Variants in PDE4B observed in about 807,000 individuals in gnomAD.
PDE4B encodes phosphodiesterase 4B.
PDE4B carries 20 observed loss-of-function variants against 82.2 expected under a neutral mutation model. The observed-to-expected ratio is 0.24, with a 90% confidence interval of 0.17 to 0.35. The LOEUF is 0.35. Among genes scored for constraint, PDE4B ranks in the 10% least tolerant of loss-of-function variants. The pLI is 1.00. For missense variants in PDE4B, 655 were observed against 907.2 expected (o/e 0.72, Z 3.57); for synonymous variants, 320 against 318.9 (o/e 1.00, Z -0.04).
chr1:65,828,947 C>G (rs1646050392), intron 1 of PDE4B, among the ~76,000 whole-genome samples: 1 of 152,074 alleles, frequency 6.6e-6, no homozygotes, highest in African/African-American at 2.4e-5. Context: ...AATATATAAA[C>G]TCAACCAGAT....
At chr1:65,804,829 C>A (rs1321135938) in intron 1 of PDE4B, among the ~76,000 whole-genome samples, 1 of 152,064 alleles carries the variant, frequency 6.6e-6, no homozygotes, top group African/African-American at 2.4e-5. Context: ...GGCTGCTCTG[C>A]TTCTTGTAGT....
intron 3 of PDE4B, among the ~76,000 whole-genome samples, chr1:65,930,444 G>T (rs1239160271): frequency 1.3e-5 from 2 of 152,206 alleles, no homozygotes; most frequent in Non-Finnish European, 2.9e-5. Flanking sequence ...ACCTGGAAAA[G>T]CTACAGGCAT....
At chr1:66,210,217 T>G (rs952451617) in intron 3 of PDE4B, among the ~76,000 whole-genome samples, 40 of 152,292 alleles carry the variant, frequency 2.6e-4, no homozygotes, top group African/African-American at 9.4e-4. Context: ...TCAGTGATCT[T>G]TTATTTCTCA....
chr1:66,120,515 A>C (rs1372171302), intron 3 of PDE4B, among the ~76,000 whole-genome samples: 1 of 152,150 alleles, frequency 6.6e-6, no homozygotes, highest in Non-Finnish European at 1.5e-5. Flanking sequence ...AGAGATCACA[A>C]CTTGGACTCA....
At chr1:66,200,972 G>A (rs1438723351) in intron 3 of PDE4B, among the ~76,000 whole-genome samples, 1 of 152,106 alleles carries the variant, frequency 6.6e-6, no homozygotes, top group Non-Finnish European at 1.5e-5. Flanking sequence ...GTATGATATT[G>A]GCTGTGGGTT....
At chr1:66,361,269 A>G (rs1210050914) in intron 9 of PDE4B, among the ~76,000 whole-genome samples, 1 of 152,172 alleles carries the variant, frequency 6.6e-6, no homozygotes, top group Non-Finnish European at 1.5e-5. Context: ...GCAAATGTAT[A>G]AGTGTGTACT....
intron 7 of PDE4B, among the ~76,000 whole-genome samples, chr1:66,291,020 T>C (rs1657034867): frequency 6.6e-6 from 1 of 151,978 alleles, no homozygotes; most frequent in African/African-American, 2.4e-5. Flanking sequence ...ACCTAAGAAA[T>C]CACCATCAGC....
chr1:66,249,445 C>A (rs1653581742), intron 4 of PDE4B, among the ~76,000 whole-genome samples: 1 of 152,090 alleles, frequency 6.6e-6, no homozygotes, highest in Admixed American at 6.5e-5. Context: ...CAGAGTCGCC[C>A]CAGAAAACTC....
At position 65,895,933 on chromosome 1, in the gene PDE4B, A is replaced by AAT. The variant is rs1279191154; in HGVS notation, c.-70-17310_-70-17309dup. On this transcript the variant is annotated intron_variant, in intron 1 of 16. Coordinates refer to ENST00000341517, the MANE Select transcript of PDE4B (RefSeq NM_002600.4). Reference sequence around the variant, plus strand: ...TCATCTGGGCAAAGATGAAAAAGAAAATAATAATAATAATAATAATAATAA... The same window carrying AAT: ...TCATCTGGGCAAAGATGAAAAAGAAAATATAATAATAATAATAATAATAATAA... Among the ~76,000 whole-genome samples, 5 of 1,704 alleles carry AAT rather than the reference A, an allele frequency of 2.9e-3. No homozygotes were observed. In the East Asian group the frequency reaches 0.036, roughly 12 times the overall value. The allele number at this position is 1,704 out of a possible 152,430, so 1.1% of individuals were successfully genotyped here. A position where few individuals can be genotyped will look rare whatever the true frequency, so the allele number is the denominator to read the frequency against.
chr1:66,270,149 A>T (rs550649174), intron 7 of PDE4B, among the ~76,000 whole-genome samples: 1 of 152,344 alleles, frequency 6.6e-6, no homozygotes, highest in South Asian at 2.1e-4. Context: ...CAAAGCCTGG[A>T]TATCCATAGC....
intron 3 of PDE4B, among the ~76,000 whole-genome samples, chr1:66,045,676 G>A (rs1017422229): frequency 4.0e-5 from 6 of 151,420 alleles, no homozygotes; most frequent in Non-Finnish European, 8.9e-5. Context: ...TGGGGGGCAG[G>A]GACATAAAGA....
chr1:65,967,910 C>G (rs1158333008), intron 3 of PDE4B, among the ~76,000 whole-genome samples: 3 of 151,944 alleles, frequency 2.0e-5, no homozygotes, highest in Admixed American at 1.3e-4. Context: ...AGGAGAAATA[C>G]TAATGTAGAT....
chr1:65,793,419 T>C (rs974197765), intron 1 of PDE4B, among the ~76,000 whole-genome samples, 171 bp downstream of exon 1: 2 of 152,210 alleles, frequency 1.3e-5, no homozygotes, highest in Non-Finnish European at 2.9e-5. Flanking sequence ...TCGCCCCTTG[T>C]AGGAAATCCG....
chr1:66,251,010 A>G lies in PDE4B; in HGVS notation c.476+3356A>G, dbSNP rs527951091. ...AGAGGAAAAGCAGAAATAATAATCC[A>G]CTTAAATTTAAAACCTGTTTATTGA... On this transcript the variant is annotated intron_variant, in intron 4 of 16. Transcript: ENST00000341517. Among the ~76,000 whole-genome samples, 10 of 152,312 alleles carry G rather than the reference A, an allele frequency of 6.6e-5. No homozygotes were observed. In the South Asian group the frequency reaches 2.1e-3, roughly 32 times the overall value.
intron 8 of PDE4B, among the ~76,000 whole-genome samples, chr1:66,346,602 CAT>C (rs779699554): frequency 1.1e-4 from 17 of 152,132 alleles, no homozygotes; most frequent in South Asian, 2.1e-4. Context: ...ATGAGTAACT[CAT>C]GTGTCACATA....
At chr1:66,139,054 T>G (rs1223373631) in intron 3 of PDE4B, among the ~76,000 whole-genome samples, 2 of 152,278 alleles carry the variant, frequency 1.3e-5, no homozygotes, top group Non-Finnish European at 2.9e-5. Context: ...AAAGGTCTAA[T>G]TATAACCTCT....
At chr1:66,168,501 T>A (rs1646778824) in intron 3 of PDE4B, among the ~76,000 whole-genome samples, 1 of 152,126 alleles carries the variant, frequency 6.6e-6, no homozygotes, top group Non-Finnish European at 1.5e-5. Flanking sequence ...GAAAAGCCAC[T>A]GAAAAATTCC....
Position 65,836,066 on chromosome 1 carries a change from A to G in PDE4B, c.-71+42818A>G, listed in dbSNP as rs1482917017. Among the ~76,000 whole-genome samples the G allele has an allele frequency of 3.9e-5, 6 of 151,974 alleles. No homozygotes were observed. The South Asian group carries it at 6.3e-4, about 16-fold the overall frequency. ...AAGCGATTCTCCTGCCTCGGCCTCC[A>G]GAGTAGCTGGGACTACAGGCACACA... On this transcript the variant is annotated intron_variant, in intron 1 of 16. Transcript: ENST00000341517.
At chr1:65,887,186 TTTTCTTTCTTTCTTTCTTTCTTTC>T (rs766627917) in intron 1 of PDE4B, among the ~76,000 whole-genome samples, 1 of 60,076 alleles carries the variant, frequency 1.7e-5, no homozygotes, top group African/African-American at 6.3e-5. Flanking sequence ...CTCCCTCCCT[TTTTCTTTCTTTCTTTCTTTCTTTC>T]TTTCTTTCTT....
Sources: allele counts gnomAD v4.1 joint callset (sites outside exome capture counted in the v4.1 genomes callset), GRCh38; gene constraint gnomAD v4.1.1; transcripts MANE v1.5; gene names NCBI Gene and HGNC (gene_info 2026-07-23, HGNC 2026-07-21).